Variants in SYNC observed in about 807,000 individuals in gnomAD.
SYNC encodes syncoilin, intermediate filament protein, also known as syncoilin.
In SYNC, 38 loss-of-function variants were observed where a neutral mutation model predicts 49.5. The ratio of observed to expected loss-of-function variants is 0.77; its 90% CI spans 0.59 to 1.01. The LOEUF (loss-of-function observed/expected upper bound fraction) is 1.01. Ranked by LOEUF, SYNC falls within the 50% of genes least tolerant of loss-of-function variation. The probability of loss-of-function intolerance (pLI) is 0.00; values close to 1 mark genes in which losing one functional copy is unlikely to be tolerated. For synonymous variants in SYNC, 201 were observed against 230.8 expected (o/e 0.87, Z 1.17); for missense variants, 579 against 580.6 (o/e 1.00, Z 0.03).
At position 32,695,599 on chromosome 1, in the gene SYNC, G is replaced by A. The variant is rs546174089; in HGVS notation, c.499C>T (p.Leu167=). Residue 167 remains leucine, a synonymous_variant, in exon 2 of 5, where the codon CTG becomes TTG. Coordinates refer to ENST00000409190, the MANE Select transcript of SYNC (RefSeq NM_030786.3). ...AGCAATTCCAGGTCCTCTATGCTCA[G>A]GTTCTCCTCCATGCTGGGGCTCTGC... ...AEQSPSMEEN[L]SIEDLELLEG... 1.3e-6 allele frequency: 2 copies of A among 1,551,548 alleles called. No homozygotes were observed. The highest frequency in any genetic ancestry group is 2.4e-5 in the South Asian group (2 of 84,020).
intron 2 of SYNC, 84 bp downstream of exon 2, chr1:32,694,781 C>A: frequency 7.4e-7 from 1 of 1,357,864 alleles, no homozygotes; most frequent in Non-Finnish European, 1.0e-6. Flanking sequence ...GTGACACTAT[C>A]TTTCAGCCCC....
chr1:32,689,647 G>T (rs1650061685), intron 2 of SYNC, among the ~76,000 whole-genome samples: 1 of 152,036 alleles, frequency 6.6e-6, no homozygotes, highest in Non-Finnish European at 1.5e-5. Context: ...ACACCCTTAG[G>T]AAGTAAGCTG....
intron 1 of SYNC, among the ~76,000 whole-genome samples, chr1:32,701,514 G>C (rs1436307157): frequency 6.6e-6 from 1 of 152,158 alleles, no homozygotes; most frequent in African/African-American, 2.4e-5. Flanking sequence ...GCCCAAGGTC[G>C]AATGGCAAAG....
chr1:32,698,060 T>C (rs1295097496), intron 1 of SYNC, among the ~76,000 whole-genome samples: 6 of 151,164 alleles, frequency 4.0e-5, no homozygotes, highest in African/African-American at 9.7e-5. Context: ...CCGTCTCTAC[T>C]AAAAATACAA....
chr1:32,687,460 CAA>C (rs1469937984), intron 2 of SYNC, among the ~76,000 whole-genome samples: 1 of 151,520 alleles, frequency 6.6e-6, no homozygotes, highest in African/African-American at 2.4e-5. Context: ...ATCACGAGGT[CAA>C]GAGATCAAAA....
intron 2 of SYNC, among the ~76,000 whole-genome samples, chr1:32,693,080 TG>T (rs1557874606): frequency 2.9e-5 from 4 of 137,886 alleles, no homozygotes; most frequent in Admixed American, 7.3e-5. Flanking sequence ...TTTTTTTGTT[TG>T]TTTGTTTTTG....
In SYNC at chr1:32,680,761, CAA is replaced by C. The variant is rs1649382487; in HGVS notation, c.*1087_*1088del. The C allele has an allele frequency of 4.0e-6, 2 of 500,390 alleles. No homozygotes were observed. The highest frequency in any genetic ancestry group is 7.8e-5 in the Admixed American group (2 of 25,550). 31.0% of individuals were successfully genotyped at this position (500,390 alleles called of 1,614,324 possible). A position where few individuals can be genotyped will look rare whatever the true frequency, so the allele number is the denominator to read the frequency against. On this transcript the variant is annotated 3_prime_UTR_variant, in exon 5 of 5. Coordinates refer to ENST00000409190, the MANE Select transcript of SYNC (RefSeq NM_030786.3). The stretch of plus-strand genomic sequence containing the variant: ...GTTGTTGTCCATGGTCTTTGACTAT[CAA>C]GAGCAGAATTAAATGTAATAGTCCC...
In SYNC at chr1:32,695,300, G is replaced by A. The variant is rs371558707; in HGVS notation, c.798C>T (p.Asp266=). 1.9e-4 allele frequency: 289 copies of A among 1,551,486 alleles called. No homozygotes were observed. Among genetic ancestry groups the A allele is most frequent in the East Asian group, 2.9e-4 (12 of 40,866 alleles). ...CCCGGAAATCGGCAAACTGAGCCAC[G>A]TCCTGCTGGCGGCACTCCAGCTGGT... The part of the protein sequence containing the change: ...YQYQLECRQQ[D]VAQFADFREV... Residue 266 remains aspartate, a synonymous_variant, in exon 2 of 5, where the codon GAC becomes GAT. Transcript: ENST00000409190.
intron 1 of SYNC, among the ~76,000 whole-genome samples, chr1:32,697,365 G>A (rs1006994537): frequency 1.3e-5 from 2 of 151,518 alleles, no homozygotes; most frequent in African/African-American, 2.4e-5. Flanking sequence ...GAACTTCAAA[G>A]AGGCAGAGGT....
rs1650328057 is a variant in SYNC at position 32,694,853 on chromosome 1, C to T, written c.1233+12G>A. On this transcript the variant is annotated intron_variant, in intron 2 of 4. Coordinates refer to ENST00000409190, the MANE Select transcript of SYNC (RefSeq NM_030786.3). ...AAAAGACCTCAGTTCTTTTCATGCCCAATGGGCCTACCCTGTACTGCTGCA... is the reference window on the plus strand; with the variant it reads ...AAAAGACCTCAGTTCTTTTCATGCCTAATGGGCCTACCCTGTACTGCTGCA... The T allele has an allele frequency of 6.4e-7, 1 of 1,554,282 alleles. No homozygotes were observed. The highest frequency in any genetic ancestry group is 1.2e-5 in the South Asian group (1 of 81,702).
rs1317050668 is a variant in SYNC, at chr1:32,702,610, C to T, written c.51G>A (p.Ala17=). 3 of 1,216,130 alleles carry T rather than the reference C, an allele frequency of 2.5e-6. No individual in the cohort carries two copies. Among genetic ancestry groups the T allele is most frequent in the Non-Finnish European group, 3.1e-6 (3 of 978,274 alleles). The allele number at this position is 1,216,130 out of a possible 1,614,324, so 75.3% of individuals were successfully genotyped here. A position where few individuals can be genotyped will look rare whatever the true frequency, so the allele number is the denominator to read the frequency against. ...ACGCGGGCCCGGCACTGTCCTACCT[C>T]GCGGCCTGGGCGGCGCCGTCCCCGC... ...RRGGDGAAQA[A]RKTRVEANSP... The change falls in exon 1 of 5, where the codon GCG becomes GCA. Residue 17 remains alanine, a splice_region_variant and synonymous_variant. Transcript: ENST00000409190. This position sits in a 1 kb window ranked among gnomAD's most constrained non-coding sequence, Gnocchi z 6.2.
chr1:32,702,639 G>A lies in SYNC; in HGVS notation c.22C>T (p.Arg8Cys). 1 of 1,213,494 alleles carries A rather than the reference G, an allele frequency of 8.2e-7. No homozygotes were observed. The highest frequency in any genetic ancestry group is 1.0e-6 in the Non-Finnish European group (1 of 976,514). 75.2% of individuals were successfully genotyped at this position (1,213,494 alleles called of 1,614,324 possible). A position where few individuals can be genotyped will look rare whatever the true frequency, so the allele number is the denominator to read the frequency against. MASPEPR[R>C]GGDGAAQAAR... ...GCCTGGGCGGCGCCGTCCCCGCCGC[G>A]CCGGGGCTCCGGGCTGGCCATGGCT... The change falls in exon 1 of 5, where the codon CGC (arginine) becomes TGC (cysteine). Residue 8 changes from arginine (R) to cysteine (C), a missense_variant. Transcript: ENST00000409190. The surrounding 1 kb of genome is among the most constrained non-coding windows in gnomAD (Gnocchi z 6.2).
chr1:32,698,905 C>G (rs923308141), intron 1 of SYNC, among the ~76,000 whole-genome samples: 1 of 150,858 alleles, frequency 6.6e-6, no homozygotes, highest in Non-Finnish European at 1.5e-5. Flanking sequence ...CTCAGCCTCC[C>G]GGGTAGCCAG....
rs578204015 is a variant in SYNC, at chr1:32,702,361, G to A, written c.53+247C>T. Among the ~76,000 whole-genome samples, 257 of 152,302 alleles carry A rather than the reference G, an allele frequency of 1.7e-3. No individual in the cohort carries two copies. The highest frequency in any genetic ancestry group is 2.9e-3 in the Non-Finnish European group (195 of 68,010). ...CGGTGGATGCCCACTCGCCTGGAAG[G>A]GTTAATTTTCATGTAGTCCCGGGAG... On this transcript the variant is annotated intron_variant, in intron 1 of 4. Coordinates refer to ENST00000409190, the MANE Select transcript of SYNC (RefSeq NM_030786.3). This position sits in a 1 kb window ranked among gnomAD's most constrained non-coding sequence, Gnocchi z 6.2.
intron 2 of SYNC, among the ~76,000 whole-genome samples, chr1:32,687,624 A>G (rs972558954): frequency 6.6e-6 from 1 of 150,506 alleles, no homozygotes; most frequent in Non-Finnish European, 1.5e-5. Flanking sequence ...GTGAGCCAAG[A>G]TTGCGCCACT....
Position 32,702,634 on chromosome 1 carries a change from G to C in SYNC, c.27C>G (p.Gly9=), listed in dbSNP as rs1650712049. Residue 9 remains glycine (G), a synonymous_variant, in exon 1 of 5, where the codon GGC becomes GGG. Transcript: ENST00000409190. This position sits in a 1 kb window ranked among gnomAD's most constrained non-coding sequence, Gnocchi z 6.2. ...TCGCGGCCTGGGCGGCGCCGTCCCC[G>C]CCGCGCCGGGGCTCCGGGCTGGCCA... is the stretch of plus-strand genomic sequence containing the variant. MASPEPRR[G]GDGAAQAARK... 4.1e-6 allele frequency: 5 copies of C among 1,209,112 alleles called. No individual in the cohort carries two copies. Among genetic ancestry groups the C allele is most frequent in the Middle Eastern group, 6.6e-4 (2 of 3,040 alleles). 74.9% of individuals were successfully genotyped at this position (1,209,112 alleles called of 1,614,324 possible).
chr1:32,686,657 G>A (rs1649852238), intron 2 of SYNC, among the ~76,000 whole-genome samples: 1 of 152,180 alleles, frequency 6.6e-6, no homozygotes, highest in South Asian at 2.1e-4. Context: ...GAGTTAAAGG[G>A]GAAGAAGAGG....
At position 32,695,488 on chromosome 1, in the gene SYNC, G is replaced by A. The variant is rs1393202880; in HGVS notation, c.610C>T (p.Arg204Trp). Residue 204 changes from arginine (R) to tryptophan (W), a missense_variant, in exon 2 of 5, where the codon CGG becomes TGG. Physicochemically the swap from Arg to Trp is moderately radical, Grantham distance 101. Coordinates refer to ENST00000409190, the MANE Select transcript of SYNC (RefSeq NM_030786.3). ...TGTACCTCCTGCAGGGCTGGTTCCC[G>A]GAGCAATACAAGCTCATGGATGAGC... ...DQLIHELVLL[R>W]EPALQEVQQV... 38 of 1,551,214 alleles carry A rather than the reference G, an allele frequency of 2.4e-5. No individual in the cohort carries two copies. The highest frequency in any genetic ancestry group is 2.4e-5 in the East Asian group (1 of 40,874).
At position 32,698,505 on chromosome 1, in the gene SYNC, C is replaced by T. The variant is rs144198726; in HGVS notation, c.54-2461G>A. Among the ~76,000 whole-genome samples, 260 of 152,212 alleles carry T rather than the reference C, an allele frequency of 1.7e-3. 2 individuals carry two copies. In the Middle Eastern group the frequency reaches 0.051, roughly 30 times the overall value. On this transcript the variant is annotated intron_variant, in intron 1 of 4. Coordinates refer to ENST00000409190, the MANE Select transcript of SYNC (RefSeq NM_030786.3). ...CCGCACTCCAGCCTGGGCAACAAAA[C>T]CAAACTCTGTATCAAAAAAAAAAGT...
Sources: gnomAD v4.1 joint callset for allele counts (sites outside exome capture counted in the v4.1 genomes callset) on GRCh38, gnomAD v4.1.1 for gene constraint, Gnocchi (gnomAD v3.1) non-coding constraint, MANE v1.5 for transcripts, NCBI Gene and HGNC (gene_info 2026-07-23, HGNC 2026-07-21) for gene names.